The following IQCM variants were observed in gnomAD, a reference collection of about 807,000 sequenced individuals.
The protein encoded by IQCM is IQ motif containing M.
IQCM carries 45 observed loss-of-function variants against 57.6 expected under a neutral mutation model. The ratio of observed to expected loss-of-function variants is 0.78; its 90% confidence interval spans 0.62 to 1.00. The LOEUF (loss-of-function observed/expected upper bound fraction) is 1.00. IQCM is among the 50% of genes least tolerant of loss of function. The pLI is 0.00. For synonymous variants in IQCM, 148 were observed against 158.9 expected, an observed-to-expected ratio of 0.93 and a Z score of 0.51; for missense variants, 468 against 511.6, an observed-to-expected ratio of 0.91 and a Z score of 0.82.
At chr4:149,479,147 G>A (rs1740513550) in intron 12 of IQCM, among the ~76,000 whole-genome samples, 1 of 152,112 alleles carries the variant, frequency 6.6e-6, no homozygotes, top group Non-Finnish European at 1.5e-5. Flanking sequence ...ACTTTTTATA[G>A]GATAGCACAG....
At chr4:149,602,035 CAAAAAAAA>C (rs1236897737) in intron 8 of IQCM, among the ~76,000 whole-genome samples, 7 of 35,458 alleles carry the variant, frequency 2.0e-4, no homozygotes, top group African/African-American at 5.8e-4. Flanking sequence ...GCCTGGGCGA[CAAAAAAAA>C]AAAAAAAAAA....
intron 7 of IQCM, among the ~76,000 whole-genome samples, chr4:149,673,952 C>A (rs1761532872): frequency 6.6e-6 from 1 of 152,060 alleles, no homozygotes; most frequent in Admixed American, 6.6e-5. Flanking sequence ...GAACTTTAAA[C>A]CCCTGTGTAA....
intron 3 of IQCM, among the ~76,000 whole-genome samples, chr4:149,739,202 C>A (rs72726200): frequency 6.6e-6 from 1 of 151,996 alleles, no homozygotes; most frequent in East Asian, 1.9e-4. Context: ...TTTAAGAGCT[C>A]TTATTCCTGA....
At chr4:149,442,485 G>C (rs1247860947) in intron 12 of IQCM, among the ~76,000 whole-genome samples, 3 of 152,048 alleles carry the variant, frequency 2.0e-5, no homozygotes, top group African/African-American at 7.2e-5. Context: ...GTGCTTAACT[G>C]AATGTCCAAG....
chr4:149,673,371 G>A (rs1761474965), intron 7 of IQCM, among the ~76,000 whole-genome samples: 1 of 151,996 alleles, frequency 6.6e-6, no homozygotes, highest in Non-Finnish European at 1.5e-5. Flanking sequence ...CTGTATTCAG[G>A]AAACCCATCT....
chr4:149,497,869 G>T (rs1742836174), intron 12 of IQCM, among the ~76,000 whole-genome samples: 1 of 151,394 alleles, frequency 6.6e-6, no homozygotes, highest in South Asian at 2.1e-4. Context: ...TTTCTTTTTG[G>T]TTTACAAGTC....
At chr4:149,527,470 G>T (rs1746273238) in intron 12 of IQCM, among the ~76,000 whole-genome samples, 1 of 152,190 alleles carries the variant, frequency 6.6e-6, no homozygotes, top group African/African-American at 2.4e-5. Flanking sequence ...CAAGAAGGCT[G>T]CCATCTGCAA....
chr4:149,582,968 G>T (rs963302432), intron 9 of IQCM, among the ~76,000 whole-genome samples: 1 of 151,456 alleles, frequency 6.6e-6, no homozygotes, highest in Non-Finnish European at 1.5e-5. Context: ...CAAGATAAAA[G>T]GGAAACATTC....
chr4:149,732,492 G>A (rs1472188642), intron 5 of IQCM, among the ~76,000 whole-genome samples: 1 of 152,104 alleles, frequency 6.6e-6, no homozygotes. Flanking sequence ...TGTATAGTAA[G>A]AAATTACCCT....
At chr4:149,737,105 C>T (rs1334053653) in intron 3 of IQCM, among the ~76,000 whole-genome samples, 1 of 152,120 alleles carries the variant, frequency 6.6e-6, no homozygotes, top group East Asian at 1.9e-4. Context: ...TATGGTTCCA[C>T]TTATACAAAG....
chr4:149,735,699 T>G (rs1481448767), intron 3 of IQCM, among the ~76,000 whole-genome samples: 9 of 152,180 alleles, frequency 5.9e-5, no homozygotes, highest in Non-Finnish European at 4.4e-5. Context: ...GAAAGTCCTT[T>G]AAATGTTACT....
At chr4:149,754,770 C>T (rs754747164) in intron 2 of IQCM, among the ~76,000 whole-genome samples, 5 of 152,160 alleles carry the variant, frequency 3.3e-5, no homozygotes, top group African/African-American at 1.2e-4. Flanking sequence ...CTACCACATA[C>T]GTTTATTTTG....
chr4:149,450,704 C>A (rs1478721637), intron 12 of IQCM, among the ~76,000 whole-genome samples: 1 of 151,652 alleles, frequency 6.6e-6, no homozygotes, highest in East Asian at 1.9e-4. Context: ...AAAAGACAGG[C>A]AACAACAAAT....
intron 12 of IQCM, among the ~76,000 whole-genome samples, chr4:149,469,715 G>A (rs1428297725): frequency 6.6e-6 from 1 of 152,166 alleles, no homozygotes; most frequent in Non-Finnish European, 1.5e-5. Flanking sequence ...GTTAAGGGCA[G>A]CCAGAGAGAA....
At chr4:149,356,384 C>A (rs1444785559) in intron 13 of IQCM, among the ~76,000 whole-genome samples, 4 of 152,074 alleles carry the variant, frequency 2.6e-5, no homozygotes, top group Non-Finnish European at 5.9e-5. Context: ...TTAGGTCTAA[C>A]ATTTAAGTCT....
chr4:149,392,441 A>G (rs1479419562), intron 13 of IQCM, among the ~76,000 whole-genome samples: 5 of 151,996 alleles, frequency 3.3e-5, no homozygotes, highest in African/African-American at 1.2e-4. Context: ...GAAGGTTGCA[A>G]CCTCAGTAGA....
At chr4:149,784,271 T>C (rs1265922419) in intron 2 of IQCM, among the ~76,000 whole-genome samples, 1 of 152,200 alleles carries the variant, frequency 6.6e-6, no homozygotes, top group Non-Finnish European at 1.5e-5. Context: ...ATGGCCTTTA[T>C]GTTGCTCCTC....
At position 149,571,793 on chromosome 4, in the gene IQCM, C is replaced by T. The variant is rs1015530658; in HGVS notation, c.750-7903G>A. On this transcript the variant is annotated intron_variant, in intron 9 of 13. Coordinates refer to ENST00000636793, the MANE Select transcript of IQCM (RefSeq NM_001363507.2). ...AAATAAAAATAAATAATGAGTAAAC[C>T]AAATAAACAGTTGCTGAACAAACTT... 4.6e-5 allele frequency among the ~76,000 whole-genome samples: 7 copies of T among 151,890 alleles called. No homozygotes were observed. The South Asian group carries it at 8.3e-4, about 18-fold the overall frequency.
intron 7 of IQCM, among the ~76,000 whole-genome samples, chr4:149,680,195 G>A (rs1271064922): frequency 1.3e-5 from 2 of 151,324 alleles, no homozygotes; most frequent in African/African-American, 2.4e-5. Context: ...CTACTCTATA[G>A]CATTTGGAAA....
Sources: gnomAD v4.1 joint callset for allele counts (sites outside exome capture counted in the v4.1 genomes callset) on GRCh38, gnomAD v4.1.1 for gene constraint, MANE v1.5 for transcripts, NCBI Gene and HGNC (gene_info 2026-07-23, HGNC 2026-07-21) for gene names.